MYH4: variants seen among roughly 807,000 people sequenced by gnomAD.
The protein encoded by MYH4 is myosin-4.
Under a neutral mutation model 229.9 loss-of-function variants are expected in MYH4, and 200 were observed. The ratio of observed to expected loss-of-function variants is 0.87; its 90% CI spans 0.78 to 0.98. MYH4 has a LOEUF of 0.98. Among genes scored for constraint, MYH4 ranks in the 50% least tolerant of loss-of-function variants. MYH4 has a pLI of 0.00. For synonymous variants in MYH4, 761 were observed against 834.6 expected (o/e 0.91, Z 1.52); for missense variants, 2,148 against 2,332.6 (o/e 0.92, Z 1.63).
intron 15 of MYH4, among the ~76,000 whole-genome samples, chr17:10,458,989 G>A (rs115547667): frequency 1.0e-3 from 155 of 152,314 alleles, no homozygotes; most frequent in African/African-American, 3.4e-3. Flanking sequence ...GCATGAAATA[G>A]TGTAGGAAGA....
intron 36 of MYH4, 39 bp from the exon 37 acceptor site, chr17:10,445,185 T>C: frequency 6.2e-7 from 1 of 1,614,180 alleles, no homozygotes; most frequent in Non-Finnish European, 8.5e-7. Context: ...TGAATTCTGA[T>C]GATAGCAGGC....
rs2072482820 is a variant in MYH4 at position 10,443,869 on chromosome 17, T to C, written c.5668-342A>G. Among the ~76,000 whole-genome samples, 1 of 150,478 alleles carries C rather than the reference T, an allele frequency of 6.6e-6. No homozygotes were observed. Among genetic ancestry groups the C allele is most frequent in the African/African-American group, 2.4e-5 (1 of 40,940 alleles). ...CAGAGATTGCAGTGAGCTGAGATTGTGCCATTGCACTCCAGCCTGGGCAAC... is the reference window on the plus strand; with the variant it reads ...CAGAGATTGCAGTGAGCTGAGATTGCGCCATTGCACTCCAGCCTGGGCAAC... On this transcript the variant is annotated intron_variant, in intron 39 of 39. Coordinates refer to ENST00000255381, the MANE Select transcript of MYH4 (RefSeq NM_017533.2). This position sits in a 1 kb window ranked among gnomAD's most constrained non-coding sequence, Gnocchi z 4.6.
At chr17:10,467,435 A>G (rs912813694) in intron 2 of MYH4, among the ~76,000 whole-genome samples, 8 of 152,248 alleles carry the variant, frequency 5.3e-5, no homozygotes, top group African/African-American at 2.4e-5. Context: ...TATCCAACAT[A>G]TAATTTTGCC....
At chr17:10,446,519 C>A (rs939052944) in intron 35 of MYH4, among the ~76,000 whole-genome samples, 1 of 149,694 alleles carries the variant, frequency 6.7e-6, no homozygotes, top group Non-Finnish European at 1.5e-5. Flanking sequence ...GGATATACCA[C>A]CATTTATTTA....
At position 10,469,295 on chromosome 17, in the gene MYH4, A is replaced by G. The variant is rs1462311448; in HGVS notation, c.-47T>C. The G allele has an allele frequency of 1.3e-5, 2 of 152,198 alleles. No individual in the cohort carries two copies. Among genetic ancestry groups the G allele is most frequent in the East Asian group, 1.9e-4 (1 of 5,196 alleles). 9.4% of individuals were successfully genotyped at this position (152,198 alleles called of 1,614,324 possible). ...ATAATAAATTATTCTTACCTCTTGTATTATCAGATGAAGAAGGTGGCAGGC... is the reference window on the plus strand; with the variant it reads ...ATAATAAATTATTCTTACCTCTTGTGTTATCAGATGAAGAAGGTGGCAGGC... On this transcript the variant is annotated 5_prime_UTR_variant, in exon 2 of 40. Coordinates refer to ENST00000255381, the MANE Select transcript of MYH4 (RefSeq NM_017533.2).
intron 27 of MYH4, 65 bp from the exon 28 acceptor site, chr17:10,451,517 G>T: frequency 1.3e-6 from 2 of 1,531,312 alleles, no homozygotes; most frequent in South Asian, 1.2e-5. Context: ...GGGATTTAGA[G>T]ATCTGTAACT....
Position 10,444,585 on chromosome 17 carries a change from C to G in MYH4, c.5667+19G>C, listed in dbSNP as rs2072489605. On this transcript the variant is annotated intron_variant, in intron 39 of 39. Transcript: ENST00000255381. The stretch of plus-strand genomic sequence containing the variant: ...GGATGTGCATCTGAACCTTTCATTT[C>G]CACTGTGGAGATACTCACAGCCTCT... 5.6e-6 allele frequency: 9 copies of G among 1,603,444 alleles called. No individual in the cohort carries two copies. Among genetic ancestry groups the G allele is most frequent in the Non-Finnish European group, 7.7e-6 (9 of 1,172,062 alleles).
intron 17 of MYH4, 139 bp downstream of exon 17, chr17:10,456,346 A>G (rs1807235846): frequency 1.5e-6 from 1 of 673,214 alleles, no homozygotes. Flanking sequence ...AAAGTTTACA[A>G]AACCTTTAGT....
intron 3 of MYH4, 63 bp from the exon 4 acceptor site, chr17:10,466,479 A>T (rs1363735066): frequency 1.1e-5 from 18 of 1,612,548 alleles, no homozygotes; most frequent in Non-Finnish European, 1.5e-5. Context: ...AGGTCAAAAA[A>T]ATATCACCTA....
Position 10,444,621 on chromosome 17 carries a change from T to C in MYH4, c.5650A>G (p.Arg1884Gly), listed in dbSNP as rs750003926. The change falls in exon 39 of 40, where the codon AGA becomes GGA. Residue 1884 changes from arginine to glycine, a missense_variant. Arg to Gly is a moderately radical substitution (Grantham distance 125, BLOSUM62 -2). Coordinates refer to ENST00000255381, the MANE Select transcript of MYH4 (RefSeq NM_017533.2). Reference sequence around the variant, plus strand: ...ATACTCACAGCCTCTTCAGCTTGTCTCTTGTAAGCTTTGACTTTGGTTTGC... The same window carrying C: ...ATACTCACAGCCTCTTCAGCTTGTCCCTTGTAAGCTTTGACTTTGGTTTGC... ...KLQTKVKAYK[R>G]QAEEAEEQSN... 6.2e-7 allele frequency: 1 copy of C among 1,613,894 alleles called. No individual in the cohort carries two copies. The highest frequency in any genetic ancestry group is 8.5e-7 in the Non-Finnish European group (1 of 1,179,916).
Position 10,466,263 on chromosome 17 carries a change from G to T in MYH4, c.348+10C>A. The T allele has an allele frequency of 6.2e-7, 1 of 1,612,710 alleles. No homozygotes were observed. The highest frequency in any genetic ancestry group is 8.5e-7 in the Non-Finnish European group (1 of 1,179,474). ...GAGTGAGTGAGAAATAGCGTTGAAA[G>T]GGTGCTCACGTAGATCATCCAGGCT... On this transcript the variant is annotated intron_variant, in intron 4 of 39. Coordinates refer to ENST00000255381, the MANE Select transcript of MYH4 (RefSeq NM_017533.2).
Position 10,464,398 on chromosome 17 carries a change from C to T in MYH4, c.648+74G>A, listed in dbSNP as rs534824094. 4.2e-5 allele frequency: 52 copies of T among 1,238,336 alleles called. 2 individuals are homozygous for T. The South Asian group carries it at 6.9e-4, about 16-fold the overall frequency. The allele number at this position is 1,238,336 out of a possible 1,614,324, so 76.7% of individuals were successfully genotyped here. ...GTATACGTACTACATTTTCTGTATA[C>T]AGTCTACTGTTGATGTGCACGTGGT... On this transcript the variant is annotated intron_variant, in intron 7 of 39. Transcript: ENST00000255381.
chr17:10,455,866 G>A lies in MYH4; in HGVS notation c.2004C>T (p.Ser668=), dbSNP rs1205956593. The part of the protein sequence containing the change: ...NLNKLMTNLR[S]THPHFVRCII... The stretch of plus-strand genomic sequence containing the variant: ...TGCACCGCACAAAGTGGGGGTGAGT[G>A]CTCCTCAAGTTGGTCATCAGCTTAT... The change falls in exon 18 of 40, where the codon AGC becomes AGT. Residue 668 remains serine, a synonymous_variant. Coordinates refer to ENST00000255381, the MANE Select transcript of MYH4 (RefSeq NM_017533.2). 9 of 1,614,052 alleles carry A rather than the reference G, an allele frequency of 5.6e-6. No individual in the cohort carries two copies. Among genetic ancestry groups the A allele is most frequent in the Non-Finnish European group, 6.8e-6 (8 of 1,180,048 alleles).
At chr17:10,466,163 GT>G in intron 4 of MYH4, 109 bp downstream of exon 4, 3 of 1,252,944 alleles carry the variant, frequency 2.4e-6, no homozygotes, top group Non-Finnish European at 3.4e-6. Context: ...CAAACAATTG[GT>G]CATAAAAGAA....
At position 10,459,037 on chromosome 17, in the gene MYH4, C is replaced by A. The variant is rs911736741; in HGVS notation, c.1587+214G>T. ...AATTAAGTTTTTAGAGGGATAAATG[C>A]GAATCCATATGTGTGTGAGTGATAA... On this transcript the variant is annotated intron_variant, in intron 15 of 39. Coordinates refer to ENST00000255381, the MANE Select transcript of MYH4 (RefSeq NM_017533.2). Among the ~76,000 whole-genome samples, 5 of 152,038 alleles carry A rather than the reference C, an allele frequency of 3.3e-5. No homozygotes were observed. The East Asian group carries it at 9.7e-4, about 29-fold the overall frequency.
chr17:10,445,811 G>A (rs934142042), intron 35 of MYH4, among the ~76,000 whole-genome samples: 24 of 152,060 alleles, frequency 1.6e-4, no homozygotes, highest in Non-Finnish European at 2.6e-4. Context: ...GGCAGATCAC[G>A]GGGTCAGGAG....
rs1225409182 is a variant in MYH4 at position 10,460,906 on chromosome 17, G to T, written c.1147+10C>A. 1 of 1,613,670 alleles carries T rather than the reference G, an allele frequency of 6.2e-7. No individual in the cohort carries two copies. The highest frequency in any genetic ancestry group is 8.5e-7 in the Non-Finnish European group (1 of 1,179,800). On this transcript the variant is annotated intron_variant, in intron 12 of 39. Transcript: ENST00000255381. Reference sequence around the variant, plus strand: ...TTTGTCAAGTGGAAGATACCAACAGGGGGTGGTACCTTCCGTGCCATCTGG... The same window carrying T: ...TTTGTCAAGTGGAAGATACCAACAGTGGGTGGTACCTTCCGTGCCATCTGG...
intron 4 of MYH4, 22 bp downstream of exon 4, chr17:10,466,251 A>G (rs905272004): frequency 1.9e-5 from 30 of 1,611,288 alleles, no homozygotes; most frequent in African/African-American, 8.0e-5. Flanking sequence ...TGAGTGAGAA[A>G]TAGCGTTGAA....
intron 11 of MYH4, 75 bp from the exon 12 acceptor site, chr17:10,461,129 C>T: frequency 6.5e-7 from 1 of 1,536,888 alleles, no homozygotes; most frequent in South Asian, 1.2e-5. Flanking sequence ...GGGCTGTCTC[C>T]CACTTTTTTC....
Sources: allele counts gnomAD v4.1 joint callset (sites outside exome capture counted in the v4.1 genomes callset), GRCh38; gene constraint gnomAD v4.1.1; non-coding constraint Gnocchi (gnomAD v3.1); transcripts MANE v1.5; gene names NCBI Gene and HGNC (gene_info 2026-07-23, HGNC 2026-07-21).